Variants in RALYL observed in about 807,000 individuals in gnomAD.
The protein encoded by RALYL is RALY RNA binding protein like, also known as RNA-binding Raly-like protein.
In RALYL, 29 loss-of-function variants were observed where a neutral mutation model predicts 35.1. That is an observed-to-expected ratio of 0.83 (90% confidence interval 0.61 to 1.13). RALYL has a LOEUF of 1.13. Among genes scored for constraint, RALYL ranks in the 50% most tolerant of loss-of-function variants. The pLI is 0.00. For synonymous variants in RALYL, 120 were observed against 127.6 expected (o/e 0.94, Z 0.40); for missense variants, 359 against 360.4 (o/e 1.00, Z 0.03).
intron 2 of RALYL, among the ~76,000 whole-genome samples, chr8:84,575,549 A>T (rs1213973132): frequency 6.6e-6 from 1 of 152,176 alleles, no homozygotes; most frequent in African/African-American, 2.4e-5. Context: ...TCAATAAAAG[A>T]TCATTCTTTT....
chr8:84,880,897 A>T (rs966423601), intron 7 of RALYL, among the ~76,000 whole-genome samples: 4 of 152,004 alleles, frequency 2.6e-5, no homozygotes, highest in Non-Finnish European at 4.4e-5. Flanking sequence ...AACTAGGTTC[A>T]CATCCCACTA....
At position 84,749,371 on chromosome 8, in the gene RALYL, A is replaced by G. The variant is rs74597135; in HGVS notation, c.257-25208A>G. ...GCCATATGGCTTTGCCTTAAATGCA[A>G]TTCTGCACCTATTACACTCCTTTTG... On this transcript the variant is annotated intron_variant, in intron 2 of 8. Transcript: ENST00000521268. Among the ~76,000 whole-genome samples the G allele has an allele frequency of 5.6e-3, 847 of 152,236 alleles. 37 individuals are homozygous for G. In the East Asian group the frequency reaches 0.12, roughly 21 times the overall value.
chr8:84,508,368 G>A (rs1199377547), intron 1 of RALYL, among the ~76,000 whole-genome samples: 1 of 152,064 alleles, frequency 6.6e-6, no homozygotes, highest in Non-Finnish European at 1.5e-5. Flanking sequence ...AGTTGGTCTT[G>A]GACTTAGCCC....
At chr8:84,727,987 C>A (rs946358975) in intron 2 of RALYL, among the ~76,000 whole-genome samples, 1 of 151,698 alleles carries the variant, frequency 6.6e-6, no homozygotes, top group Non-Finnish European at 1.5e-5. Flanking sequence ...GGGTATATAC[C>A]CAGTAATGGG....
chr8:84,214,251 T>A (rs1322891947), intron 1 of RALYL, among the ~76,000 whole-genome samples: 1 of 152,116 alleles, frequency 6.6e-6, no homozygotes, highest in Non-Finnish European at 1.5e-5. Flanking sequence ...ATAAGTTGCA[T>A]ATAAGGAATT....
intron 1 of RALYL, among the ~76,000 whole-genome samples, chr8:84,367,703 A>G (rs1441484796): frequency 6.6e-6 from 1 of 152,004 alleles, no homozygotes; most frequent in Non-Finnish European, 1.5e-5. Flanking sequence ...CTTTTCTTCC[A>G]TTAAGAAATA....
chr8:84,190,030 G>A (rs1402187381), intron 1 of RALYL, among the ~76,000 whole-genome samples: 2 of 152,162 alleles, frequency 1.3e-5, no homozygotes, highest in Non-Finnish European at 2.9e-5. Flanking sequence ...ACGGTTCTCT[G>A]TCCTTAGTTG....
chr8:84,204,333 T>C (rs1817593535), intron 1 of RALYL, among the ~76,000 whole-genome samples: 3 of 152,022 alleles, frequency 2.0e-5, no homozygotes, highest in African/African-American at 7.2e-5. Context: ...CACTGATAAA[T>C]AAAATCTATA....
intron 1 of RALYL, among the ~76,000 whole-genome samples, chr8:84,431,348 C>G (rs1171704738): frequency 1.3e-5 from 2 of 152,064 alleles, no homozygotes; most frequent in African/African-American, 4.8e-5. Flanking sequence ...CCACTCACCA[C>G]AAAGTTAGGA....
At chr8:84,792,665 G>C (rs932028877) in intron 3 of RALYL, among the ~76,000 whole-genome samples, 1 of 152,180 alleles carries the variant, frequency 6.6e-6, no homozygotes, top group Non-Finnish European at 1.5e-5. Context: ...CAGCATGTAA[G>C]GTTGGAAGCT....
chr8:84,667,564 A>G (rs1328511004), intron 2 of RALYL, among the ~76,000 whole-genome samples: 1 of 152,128 alleles, frequency 6.6e-6, no homozygotes, highest in Non-Finnish European at 1.5e-5. Flanking sequence ...AATATCAGTT[A>G]AAGTAGACTG....
chr8:84,279,962 C>T (rs1836221427), intron 1 of RALYL, among the ~76,000 whole-genome samples: 1 of 152,092 alleles, frequency 6.6e-6, no homozygotes, highest in African/African-American at 2.4e-5. Context: ...CTTAGTTGGG[C>T]AGAGTTTTTC....
At chr8:84,508,093 T>C (rs2057322723) in intron 1 of RALYL, among the ~76,000 whole-genome samples, 1 of 152,156 alleles carries the variant, frequency 6.6e-6, no homozygotes, top group South Asian at 2.1e-4. Context: ...GAAGTTATAT[T>C]AGACACATGT....
intron 1 of RALYL, among the ~76,000 whole-genome samples, chr8:84,443,332 A>G (rs143001332): frequency 0.017 from 2,515 of 152,210 alleles, 69 homozygotes; most frequent in African/African-American, 0.057. Flanking sequence ...CATTGACCCT[A>G]GTTACGTAAA....
intron 2 of RALYL, among the ~76,000 whole-genome samples, chr8:84,539,119 C>A (rs1019883536): frequency 6.6e-6 from 1 of 152,138 alleles, no homozygotes; most frequent in African/African-American, 2.4e-5. Flanking sequence ...TCAGGACTCA[C>A]GATTCCTATG....
At chr8:84,406,877 G>T (rs1364364129) in intron 1 of RALYL, among the ~76,000 whole-genome samples, 1 of 152,098 alleles carries the variant, frequency 6.6e-6, no homozygotes, top group South Asian at 2.1e-4. Flanking sequence ...CTTCAAAGGA[G>T]TGCCTGTGCA....
chr8:84,464,923 G>T (rs1305465462), intron 1 of RALYL, among the ~76,000 whole-genome samples: 1 of 132,460 alleles, frequency 7.5e-6, no homozygotes, highest in African/African-American at 2.8e-5. Flanking sequence ...GTGTTTTTTG[G>T]CTGCATAAAT....
At position 84,340,858 on chromosome 8, in the gene RALYL, G is replaced by T. The variant is rs993047522; in HGVS notation, c.-24+156434G>T. 2.0e-5 allele frequency among the ~76,000 whole-genome samples: 3 copies of T among 151,916 alleles called. No homozygotes were observed. In the South Asian group the frequency reaches 6.2e-4, roughly 31 times the overall value. ...AGAAGTAGAATTGCTGAATTATATT[G>T]TAATTCTATTTTTAAGTCTTTTGGA... On this transcript the variant is annotated intron_variant, in intron 1 of 8. Coordinates refer to ENST00000521268, the MANE Select transcript of RALYL (RefSeq NM_173848.7).
At chr8:84,672,926 C>T (rs889734920) in intron 2 of RALYL, among the ~76,000 whole-genome samples, 1 of 149,914 alleles carries the variant, frequency 6.7e-6, no homozygotes, top group Non-Finnish European at 1.5e-5. Context: ...TGTTATTGCA[C>T]TAGTCAAATC....
Sources: gnomAD v4.1 joint callset for allele counts (sites outside exome capture counted in the v4.1 genomes callset) on GRCh38, gnomAD v4.1.1 for gene constraint, MANE v1.5 for transcripts, NCBI Gene and HGNC (gene_info 2026-07-23, HGNC 2026-07-21) for gene names.